CRYBG3: variants seen among roughly 807,000 people sequenced by gnomAD.
CRYBG3 encodes the protein very large A-kinase anchor protein.
A neutral mutation model predicts 244.2 loss-of-function variants in CRYBG3; 127 were observed. The observed-to-expected ratio is 0.52, with a 90% CI of 0.45 to 0.60. The LOEUF (loss-of-function observed/expected upper bound fraction) is 0.60, where lower values mean the gene tolerates loss of function less well. Among genes scored for constraint, CRYBG3 ranks in the 20% least tolerant of loss-of-function variants. The pLI is 0.00. For synonymous variants in CRYBG3, 1,132 were observed against 1,195.8 expected (o/e 0.95, Z 1.10); for missense variants, 3,325 against 3,442.5 (o/e 0.97, Z 0.85).
chr3:97,905,591 G>T (rs950257993), intron 15 of CRYBG3, among the ~76,000 whole-genome samples: 1 of 152,046 alleles, frequency 6.6e-6, no homozygotes, highest in Non-Finnish European at 1.5e-5. Context: ...TGATGGGGTT[G>T]TTTGCTTTTT....
chr3:97,828,955 A>G (rs1016377746), intron 1 of CRYBG3, among the ~76,000 whole-genome samples: 1 of 152,110 alleles, frequency 6.6e-6, no homozygotes, highest in African/African-American at 2.4e-5. Context: ...ATCTGTCACT[A>G]GTGTTGCATA....
chr3:97,889,323 T>A (rs142609593), intron 9 of CRYBG3, 32 bp from the exon 10 acceptor site: 1 of 1,507,800 alleles, frequency 6.6e-7, no homozygotes, highest in Non-Finnish European at 9.2e-7. Context: ...AATATTTACC[T>A]GTCTAATATT....
chr3:97,904,404 T>A (rs992734756), intron 15 of CRYBG3, among the ~76,000 whole-genome samples: 1 of 152,188 alleles, frequency 6.6e-6, no homozygotes. Flanking sequence ...ATAACATTAT[T>A]TCTGCGTGTG....
At chr3:97,823,828 G>A (rs1016978692) in intron 1 of CRYBG3, among the ~76,000 whole-genome samples, 2 of 152,232 alleles carry the variant, frequency 1.3e-5, no homozygotes, top group Non-Finnish European at 2.9e-5. Context: ...GCTCATGTCA[G>A]TAATGGCCTG....
chr3:97,850,693 A>G (rs1291822395), intron 2 of CRYBG3, among the ~76,000 whole-genome samples: 2 of 152,198 alleles, frequency 1.3e-5, no homozygotes, highest in African/African-American at 4.8e-5. Context: ...TTGAAGCAAA[A>G]TTACTTTAAC....
chr3:97,849,096 C>T (rs1025249769), intron 2 of CRYBG3, among the ~76,000 whole-genome samples: 4 of 152,180 alleles, frequency 2.6e-5, no homozygotes, highest in Non-Finnish European at 5.9e-5. Context: ...ATTTATTTAA[C>T]CTCTCTGAAT....
chr3:97,931,929 TCAGA>T (rs1357192124), intron 17 of CRYBG3, among the ~76,000 whole-genome samples: 1 of 152,032 alleles, frequency 6.6e-6, no homozygotes, highest in African/African-American at 2.4e-5. Flanking sequence ...TATACTGTTG[TCAGA>T]CAGATTGCCT....
intron 2 of CRYBG3, among the ~76,000 whole-genome samples, chr3:97,863,051 T>G (rs989714437): frequency 1.3e-5 from 2 of 152,154 alleles, no homozygotes; most frequent in African/African-American, 2.4e-5. Flanking sequence ...AAAAATGACA[T>G]TATAATTATG....
chr3:97,941,576 T>TATA (rs993223593), intron 20 of CRYBG3, among the ~76,000 whole-genome samples: 4 of 151,978 alleles, frequency 2.6e-5, no homozygotes, highest in African/African-American at 9.7e-5. Flanking sequence ...ACCAATGGTA[T>TATA]AAGTCACCAG....
At position 97,876,423 on chromosome 3, in the gene CRYBG3, A is replaced by G. The variant is rs1191666099; in HGVS notation, c.5229A>G (p.Pro1743=). 20 of 1,232,036 alleles carry G rather than the reference A, an allele frequency of 1.6e-5. No homozygotes were observed. In the Admixed American group the frequency reaches 8.4e-4, roughly 52 times the overall value. 76.3% of individuals were successfully genotyped at this position (1,232,036 alleles called of 1,614,324 possible). The stretch of plus-strand genomic sequence containing the variant: ...GGTTAGAAATGGAAAATACTTACCC[A>G]AAGGATACTGAAAGAGACGGTGGCA... ...PVRLEMENTY[P]KDTERDGGKT... is the part of the protein sequence containing the mutation. The change falls in exon 4 of 22, where the codon CCA becomes CCG. Residue 1743 remains proline (P), a synonymous_variant. Transcript: ENST00000389622.
At chr3:97,903,975 C>A (rs1261880695) in intron 15 of CRYBG3, among the ~76,000 whole-genome samples, 1 of 152,144 alleles carries the variant, frequency 6.6e-6, no homozygotes, top group East Asian at 1.9e-4. Flanking sequence ...GGAAAACACT[C>A]ATCTCTTATT....
intron 17 of CRYBG3, among the ~76,000 whole-genome samples, chr3:97,919,985 G>T (rs981256423): frequency 6.6e-6 from 1 of 152,034 alleles, no homozygotes; most frequent in African/African-American, 2.4e-5. Context: ...GCCCAGGCTG[G>T]TCTCAAACTC....
Position 97,874,073 on chromosome 3 carries a change from G to A in CRYBG3, c.2879G>A (p.Cys960Tyr). The stretch of plus-strand genomic sequence containing the variant: ...ATCAGTAGGCAAATGGCGCAGAATT[G>A]TGAAGCTCACACTTGTGTGTTTCAT... Reference protein sequence around the residue: ...EKISRQMAQNCEAHTCVFHQS... With the variant: ...EKISRQMAQNYEAHTCVFHQS... The change falls in exon 4 of 22, where the codon TGT (cysteine) becomes TAT (tyrosine). Residue 960 changes from cysteine to tyrosine, a missense_variant. By Grantham distance (194) the Cys-to-Tyr change is radical. Coordinates refer to ENST00000389622, the MANE Select transcript of CRYBG3 (RefSeq NM_153605.4). 1 of 1,535,898 alleles carries A rather than the reference G, an allele frequency of 6.5e-7. No individual in the cohort carries two copies.
chr3:97,842,187 C>T (rs1047865832), intron 1 of CRYBG3, among the ~76,000 whole-genome samples: 5 of 152,062 alleles, frequency 3.3e-5, no homozygotes, highest in African/African-American at 4.8e-5. Context: ...GAGAGTCAGT[C>T]ATCTTTAGAG....
chr3:97,873,751 C>A lies in CRYBG3; in HGVS notation c.2557C>A (p.Gln853Lys). The A allele has an allele frequency of 6.5e-7, 1 of 1,535,504 alleles. No individual in the cohort carries two copies. Among genetic ancestry groups the A allele is most frequent in the Non-Finnish European group, 8.7e-7 (1 of 1,146,664 alleles). ...LSKVEPRNIS[Q>K]DKMSSFPLKI... Reference sequence around the variant, plus strand: ...AAAAGTGGAGCCCAGAAACATTTCTCAGGATAAAATGTCTTCTTTTCCATT... The same window carrying A: ...AAAAGTGGAGCCCAGAAACATTTCTAAGGATAAAATGTCTTCTTTTCCATT... The change falls in exon 4 of 22, where the codon CAG becomes AAG. Residue 853 changes from glutamine to lysine, a missense_variant. Gln to Lys is a moderately conservative substitution (Grantham distance 53). Transcript: ENST00000389622.
At chr3:97,837,093 C>T (rs1000714389) in intron 1 of CRYBG3, 2 of 152,130 alleles carry the variant, frequency 1.3e-5, no homozygotes, top group African/African-American at 4.8e-5. Flanking sequence ...CTGAAACAGA[C>T]AAAAGTTCAT....
At chr3:97,858,778 T>C (rs1326963483) in intron 2 of CRYBG3, among the ~76,000 whole-genome samples, 1 of 152,162 alleles carries the variant, frequency 6.6e-6, no homozygotes, top group Non-Finnish European at 1.5e-5. Context: ...TTACTTAAGA[T>C]CATTATTGTG....
At position 97,941,371 on chromosome 3, in the gene CRYBG3, C is replaced by G. The variant is rs540879821; in HGVS notation, c.8664+65C>G. 2.7e-4 allele frequency: 315 copies of G among 1,184,886 alleles called. No individual in the cohort carries two copies. The African/African-American group carries it at 4.1e-3, about 15-fold the overall frequency. 73.4% of individuals were successfully genotyped at this position (1,184,886 alleles called of 1,614,324 possible). A position where few individuals can be genotyped will look rare whatever the true frequency, so the allele number is the denominator to read the frequency against. Reference sequence around the variant, plus strand: ...TGTTTTTTATTTTGAAAACTAGAATCCTGTCAAATCAACTGGCATGATAAA... The same window carrying G: ...TGTTTTTTATTTTGAAAACTAGAATGCTGTCAAATCAACTGGCATGATAAA... On this transcript the variant is annotated intron_variant, in intron 20 of 21. Coordinates refer to ENST00000389622, the MANE Select transcript of CRYBG3 (RefSeq NM_153605.4).
At chr3:97,931,167 T>C (rs2040093310) in intron 17 of CRYBG3, among the ~76,000 whole-genome samples, 1 of 152,120 alleles carries the variant, frequency 6.6e-6, no homozygotes, top group Non-Finnish European at 1.5e-5. Context: ...CACCACTTAC[T>C]CTTCAGCCCT....
Sources: allele counts gnomAD v4.1 joint callset (sites outside exome capture counted in the v4.1 genomes callset), GRCh38; gene constraint gnomAD v4.1.1; transcripts MANE v1.5; gene names NCBI Gene and HGNC (gene_info 2026-07-23, HGNC 2026-07-21).